ROR2: variants seen among roughly 807,000 people sequenced by gnomAD.
The protein encoded by ROR2 is ROR family WNT receptor 2.
ROR2 carries 33 observed loss-of-function variants against 74.9 expected under a neutral mutation model. The ratio of observed to expected loss-of-function variants is 0.44; its 90% CI spans 0.33 to 0.59. The LOEUF is 0.59. ROR2 is among the 20% of genes least tolerant of loss of function. The probability of loss-of-function intolerance (pLI) is 0.02; values close to 1 mark genes in which losing one functional copy is unlikely to be tolerated. For synonymous variants in ROR2, 586 were observed against 558.7 expected (o/e 1.05, Z -0.69); for missense variants, 1,216 against 1,313.8 (o/e 0.93, Z 1.15).
chr9:91,875,621 T>A (rs1267121016), intron 1 of ROR2, among the ~76,000 whole-genome samples: 1 of 151,926 alleles, frequency 6.6e-6, no homozygotes, highest in Non-Finnish European at 1.5e-5. Context: ...CGTGCCAAGA[T>A]AAGAAAACAA....
At chr9:91,934,725 AGAAAT>A (rs1433498662) in intron 1 of ROR2, among the ~76,000 whole-genome samples, 1 of 152,192 alleles carries the variant, frequency 6.6e-6, no homozygotes, top group Non-Finnish European at 1.5e-5. Flanking sequence ...AAGAAAGAAA[AGAAAT>A]GAGCTCAGAG....
intron 1 of ROR2, among the ~76,000 whole-genome samples, chr9:91,813,006 A>C (rs1307235334): frequency 1.3e-5 from 2 of 152,120 alleles, no homozygotes; most frequent in Non-Finnish European, 2.9e-5. Flanking sequence ...TTTTTTCAAT[A>C]CTAGGAGAGG....
intron 1 of ROR2, among the ~76,000 whole-genome samples, chr9:91,850,100 T>C (rs1490754819): frequency 2.6e-5 from 4 of 152,198 alleles, no homozygotes; most frequent in African/African-American, 9.7e-5. Context: ...GACACAGAAT[T>C]ACTGGGTTTG....
rs866706899 is a variant in ROR2 at position 91,775,970 on chromosome 9, G to A, written c.98-152C>T. ...TAAGACATTATGGTAACCTCTAGAG[G>A]GATTTTATAGTGATATAAAGATATG... On this transcript the variant is annotated intron_variant, in intron 1 of 8. Coordinates refer to ENST00000375708, the MANE Select transcript of ROR2 (RefSeq NM_004560.4). The A allele has an allele frequency of 2.0e-5, 14 of 705,490 alleles. No homozygotes were observed. The Middle Eastern group carries it at 9.2e-4, about 46-fold the overall frequency. 43.7% of individuals were successfully genotyped at this position (705,490 alleles called of 1,614,324 possible). A position where few individuals can be genotyped will look rare whatever the true frequency, so the allele number is the denominator to read the frequency against.
At chr9:91,778,802 TCA>T (rs1295576935) in intron 1 of ROR2, among the ~76,000 whole-genome samples, 1 of 152,222 alleles carries the variant, frequency 6.6e-6, no homozygotes, top group Admixed American at 6.5e-5. Flanking sequence ...TGTAAAAACA[TCA>T]CAGAGTGGCG....
At chr9:91,786,685 C>T (rs1176404017) in intron 1 of ROR2, among the ~76,000 whole-genome samples, 1 of 152,158 alleles carries the variant, frequency 6.6e-6, no homozygotes, top group Non-Finnish European at 1.5e-5. Context: ...TCTGGACTTG[C>T]AGCACTCTGG....
At chr9:91,799,390 G>A (rs2119047050) in intron 1 of ROR2, among the ~76,000 whole-genome samples, 1 of 152,294 alleles carries the variant, frequency 6.6e-6, no homozygotes, top group East Asian at 1.9e-4. Context: ...CCGAGACGGG[G>A]GCACGCATTC....
At chr9:91,896,505 G>C (rs117993545) in intron 1 of ROR2, among the ~76,000 whole-genome samples, 425 of 152,334 alleles carry the variant, frequency 2.8e-3, no homozygotes, top group Middle Eastern at 6.8e-3. Context: ...CAACAGAAGT[G>C]TGAATAATCA....
rs1183933886 is a variant in ROR2 at position 91,796,389 on chromosome 9, C to A, written c.98-20571G>T. 2.3e-5 allele frequency among the ~76,000 whole-genome samples: 3 copies of A among 131,198 alleles called. No homozygotes were observed. In the Admixed American group the frequency reaches 2.6e-4, roughly 11 times the overall value. The allele number at this position is 131,198 out of a possible 152,430, so 86.1% of individuals were successfully genotyped here. On this transcript the variant is annotated intron_variant, in intron 1 of 8. Coordinates refer to ENST00000375708, the MANE Select transcript of ROR2 (RefSeq NM_004560.4). ...TCAAGGCTGCAGTGAGCCGAGATGG[C>A]AATACTGCACTGCAGCCTGGGCAAC...
intron 1 of ROR2, among the ~76,000 whole-genome samples, chr9:91,796,382 G>A (rs1010309638): frequency 2.7e-5 from 4 of 148,456 alleles, no homozygotes; most frequent in South Asian, 2.1e-4. Flanking sequence ...GCAGTGAGCC[G>A]AGATGGCAAT....
At chr9:91,878,317 GC>G (rs1295360048) in intron 1 of ROR2, among the ~76,000 whole-genome samples, 1 of 152,120 alleles carries the variant, frequency 6.6e-6, no homozygotes, top group East Asian at 1.9e-4. Flanking sequence ...CACCTCCATG[GC>G]CCTTCTTCTC....
intron 1 of ROR2, among the ~76,000 whole-genome samples, chr9:91,915,245 G>A (rs1461814153): frequency 1.3e-5 from 2 of 152,104 alleles, no homozygotes; most frequent in South Asian, 2.1e-4. Flanking sequence ...TACCACACGC[G>A]GCTCCCATAG....
At chr9:91,778,630 A>G (rs1018743817) in intron 1 of ROR2, among the ~76,000 whole-genome samples, 4 of 152,130 alleles carry the variant, frequency 2.6e-5, no homozygotes, top group African/African-American at 9.7e-5. Context: ...GGACTTCAAT[A>G]TATTTTTCTC....
intron 2 of ROR2, among the ~76,000 whole-genome samples, chr9:91,768,190 C>A (rs1446506071): frequency 6.6e-6 from 1 of 152,194 alleles, no homozygotes. Flanking sequence ...TGCCAACAAA[C>A]CTTGATTTCA....
intron 1 of ROR2, among the ~76,000 whole-genome samples, chr9:91,928,627 TG>T (rs993440686): frequency 6.6e-6 from 1 of 152,198 alleles, no homozygotes; most frequent in Non-Finnish European, 1.5e-5. Context: ...GGGCAAGGCA[TG>T]CTGCTTCTCT....
intron 8 of ROR2, among the ~76,000 whole-genome samples, chr9:91,726,198 T>C (rs966651704): frequency 3.3e-5 from 5 of 152,118 alleles, no homozygotes; most frequent in African/African-American, 9.7e-5. Context: ...AGAAAAATTA[T>C]GGGGAGCATT....
intron 1 of ROR2, among the ~76,000 whole-genome samples, chr9:91,904,461 G>A (rs192952033): frequency 1.8e-4 from 27 of 152,328 alleles, no homozygotes; most frequent in Admixed American, 3.9e-4. Context: ...GGTAGGGAGC[G>A]GTAGGACCTG....
At chr9:91,806,836 G>A (rs747309958) in intron 1 of ROR2, among the ~76,000 whole-genome samples, 26 of 152,264 alleles carry the variant, frequency 1.7e-4, no homozygotes, top group African/African-American at 3.4e-4. Context: ...TGATCCGCCC[G>A]CCTCGGCCAC....
intron 1 of ROR2, among the ~76,000 whole-genome samples, chr9:91,803,622 C>T (rs573616500): frequency 6.6e-6 from 1 of 152,274 alleles, no homozygotes; most frequent in South Asian, 2.1e-4. Context: ...TAGAACATTC[C>T]AAGAAGAGAA....
Sources: allele counts gnomAD v4.1 joint callset (sites outside exome capture counted in the v4.1 genomes callset), GRCh38; gene constraint gnomAD v4.1.1; transcripts MANE v1.5; gene names NCBI Gene and HGNC (gene_info 2026-07-23, HGNC 2026-07-21).